The following CCR5AS variants were observed in gnomAD, a reference collection of about 807,000 sequenced individuals.
CCR5AS encodes CCR5 antisense RNA.
intron 2 of CCR5AS, chr3:46,374,518 C>T (rs1051004188): frequency 4.8e-5 from 8 of 167,080 alleles, no homozygotes; most frequent in East Asian, 1.9e-4. Flanking sequence ...TAGAACCAGG[C>T]GAGAGACTTG....
chr3:46,393,698 G>A (rs1392757497), intron 1 of CCR5AS, among the ~76,000 whole-genome samples: 2 of 152,160 alleles, frequency 1.3e-5, no homozygotes, highest in Non-Finnish European at 2.9e-5. Context: ...GCAGATAGGA[G>A]CCAGAGAGGT....
intron 2 of CCR5AS, among the ~76,000 whole-genome samples, chr3:46,387,008 T>C (rs1231163007): frequency 1.3e-5 from 2 of 152,064 alleles, no homozygotes; most frequent in African/African-American, 4.8e-5. Flanking sequence ...CATGTAATAT[T>C]TGAATATTTT....
At chr3:46,374,518 C>A (rs1051004188) in intron 2 of CCR5AS, 19 of 167,198 alleles carry the variant, frequency 1.1e-4, no homozygotes, top group African/African-American at 3.6e-4. Context: ...TAGAACCAGG[C>A]GAGAGACTTG....
At chr3:46,373,324 C>T (rs371901382) in intron 2 of CCR5AS, 46 of 1,614,032 alleles carry the variant, frequency 2.9e-5, no homozygotes, top group South Asian at 6.6e-5. Context: ...AAAGCCAGGA[C>T]GGTCACCTTT....
At chr3:46,399,273 A>C (rs546171853) in intron 1 of CCR5AS, among the ~76,000 whole-genome samples, 2 of 152,166 alleles carry the variant, frequency 1.3e-5, no homozygotes, top group African/African-American at 4.8e-5. Context: ...CTTCCTGTTC[A>C]TGGGCACTTG....
chr3:46,388,874 G>A (rs1291429125), intron 2 of CCR5AS, among the ~76,000 whole-genome samples: 1 of 152,154 alleles, frequency 6.6e-6, no homozygotes, highest in Non-Finnish European at 1.5e-5. Flanking sequence ...AGTATTGGAG[G>A]GTGCCCTGTC....
Position 46,395,893 on chromosome 3 carries a change from C to T in CCR5AS, n.164-2841G>A, listed in dbSNP as rs577691159. ...CAGAAGGTGTGGCTGAGATGGGAAC[C>T]GTGGACTCTGTGCAGATGTAGGAGC... On this transcript the variant is annotated intron_variant and non_coding_transcript_variant, in intron 1 of 3. Coordinates refer to ENST00000451485, the Ensembl canonical transcript of CCR5AS. 1.4e-4 allele frequency among the ~76,000 whole-genome samples: 21 copies of T among 152,266 alleles called. 1 individual carries two copies. In the South Asian group the frequency reaches 3.3e-3, roughly 24 times the overall value.
intron 2 of CCR5AS, among the ~76,000 whole-genome samples, chr3:46,371,666 G>A (rs747218240): frequency 5.9e-5 from 9 of 152,304 alleles, no homozygotes; most frequent in Non-Finnish European, 1.0e-4. Context: ...CTGGTTATAA[G>A]ACTAAACTAC....
chr3:46,390,816 G>A (rs550361808), intron 2 of CCR5AS, among the ~76,000 whole-genome samples: 3 of 152,306 alleles, frequency 2.0e-5, no homozygotes, highest in Admixed American at 2.0e-4. Flanking sequence ...GCACCAGAGT[G>A]GGGGAGTTTT....
intron 1 of CCR5AS, among the ~76,000 whole-genome samples, chr3:46,400,036 G>A (rs932585487): frequency 3.0e-4 from 45 of 152,066 alleles, no homozygotes; most frequent in Non-Finnish European, 6.0e-4. Flanking sequence ...CACACAGGCT[G>A]GAGTGTAGTA....
chr3:46,365,542 G>GTGGT (rs1482671622), intron 3 of CCR5AS, among the ~76,000 whole-genome samples: 2 of 152,288 alleles, frequency 1.3e-5, no homozygotes, highest in East Asian at 3.9e-4. Context: ...CTTTACTGTG[G>GTGGT]TGGTCTGAAG....
intron 1 of CCR5AS, among the ~76,000 whole-genome samples, chr3:46,405,845 C>T (rs1316179288): frequency 1.3e-5 from 2 of 152,122 alleles, no homozygotes; most frequent in East Asian, 3.9e-4. Context: ...TCTCTCTCCT[C>T]CCTTCCTCTC....
At chr3:46,372,973 A>G (rs1327148775) in intron 2 of CCR5AS, 4 of 1,613,674 alleles carry the variant, frequency 2.5e-6, no homozygotes, top group Non-Finnish European at 3.4e-6. Context: ...CAAAAAATCA[A>G]TGTGAAGCAA....
At chr3:46,406,336 G>A (rs1045908182) in intron 1 of CCR5AS, among the ~76,000 whole-genome samples, 5 of 151,898 alleles carry the variant, frequency 3.3e-5, no homozygotes, top group South Asian at 4.2e-4. Flanking sequence ...CTGCTGAGTC[G>A]TTGACCCAAG....
chr3:46,401,493 A>G (rs769675486), intron 1 of CCR5AS, among the ~76,000 whole-genome samples: 12 of 152,232 alleles, frequency 7.9e-5, no homozygotes, highest in Non-Finnish European at 1.5e-4. Context: ...TCTGACTCCA[A>G]GTGAAGGAGA....
intron 2 of CCR5AS, among the ~76,000 whole-genome samples, chr3:46,377,699 A>C (rs1701775866): frequency 6.6e-6 from 1 of 152,012 alleles, no homozygotes; most frequent in Non-Finnish European, 1.5e-5. Flanking sequence ...CAGAAAACAA[A>C]TCATGAACTT....
chr3:46,387,020 A>G (rs566391828), intron 2 of CCR5AS, among the ~76,000 whole-genome samples: 1 of 152,188 alleles, frequency 6.6e-6, no homozygotes, highest in Non-Finnish European at 1.5e-5. Context: ...GAATATTTTC[A>G]TAATAAAATT....
At chr3:46,365,486 T>A (rs987431334) in intron 3 of CCR5AS, among the ~76,000 whole-genome samples, 1 of 152,222 alleles carries the variant, frequency 6.6e-6, no homozygotes, top group Non-Finnish European at 1.5e-5. Context: ...TAAACACAAC[T>A]TTTATATGCA....
At chr3:46,403,808 T>C (rs1327747204) in intron 1 of CCR5AS, among the ~76,000 whole-genome samples, 1 of 152,136 alleles carries the variant, frequency 6.6e-6, no homozygotes, top group Admixed American at 6.5e-5. Context: ...CCAGCAAAAG[T>C]CAGCAGGAAG....
Sources: gnomAD v4.1 joint callset for allele counts (sites outside exome capture counted in the v4.1 genomes callset) on GRCh38, gnomAD v4.1.1 for gene constraint, MANE v1.5 for transcripts, NCBI Gene and HGNC (gene_info 2026-07-23, HGNC 2026-07-21) for gene names.